Variants in LIMCH1 observed in about 807,000 individuals in gnomAD.
LIMCH1 encodes the protein LIM and calponin homology domains-containing protein 1.
A neutral mutation model predicts 176.5 loss-of-function variants in LIMCH1; 113 were observed. The ratio of observed to expected loss-of-function variants is 0.64; its 90% CI spans 0.55 to 0.75. LIMCH1 has a LOEUF of 0.75. Ranked by LOEUF, LIMCH1 falls within the 30% of genes least tolerant of loss-of-function variation. LIMCH1 has a pLI of 0.00. For synonymous variants in LIMCH1, 619 were observed against 645.9 expected (o/e 0.96, Z 0.63); for missense variants, 1,674 against 1,814.9 (o/e 0.92, Z 1.41).
intron 5 of LIMCH1, among the ~76,000 whole-genome samples, chr4:41,617,075 A>ATATATC (rs1377528297): frequency 5.9e-5 from 9 of 151,902 alleles, no homozygotes; most frequent in Non-Finnish European, 1.2e-4. Context: ...TAATATAAAT[A>ATATATC]TATATCTATA....
chr4:41,568,437 G>A (rs755620620), intron 1 of LIMCH1, among the ~76,000 whole-genome samples: 2 of 152,204 alleles, frequency 1.3e-5, no homozygotes, highest in Non-Finnish European at 2.9e-5. Flanking sequence ...GCAATGGTGT[G>A]TCATGGGTTT....
intron 1 of LIMCH1, among the ~76,000 whole-genome samples, chr4:41,489,915 A>G (rs550487360): frequency 6.6e-6 from 1 of 152,356 alleles, no homozygotes; most frequent in African/African-American, 2.4e-5. Context: ...CAAATATTGT[A>G]TATGTCATAT....
chr4:41,612,572 G>T, intron 4 of LIMCH1: 1 of 702,600 alleles, frequency 1.4e-6, no homozygotes, highest in Non-Finnish European at 2.6e-6. Context: ...CTAAGACACT[G>T]GCGGGAACAA....
chr4:41,537,197 C>T (rs79987113), upstream of LIMCH1, among the ~76,000 whole-genome samples: 963 of 152,306 alleles, frequency 6.3e-3, 7 homozygotes, highest in African/African-American at 0.022. Flanking sequence ...ACCAGTGAGT[C>T]CATTGGCATA....
intron 1 of LIMCH1, among the ~76,000 whole-genome samples, chr4:41,392,867 C>CA (rs1301504695): frequency 2.0e-5 from 3 of 151,800 alleles, no homozygotes; most frequent in African/African-American, 4.8e-5. Flanking sequence ...CCCGTCTCTA[C>CA]AAAAAAATAC....
chr4:41,503,236 T>C (rs555374406), intron 2 of LIMCH1, among the ~76,000 whole-genome samples: 1 of 152,270 alleles, frequency 6.6e-6, no homozygotes, highest in South Asian at 2.1e-4. Flanking sequence ...TTGACGTGAA[T>C]TGGGCCTGGT....
chr4:41,691,690 G>C (rs965247742), intron 30 of LIMCH1, among the ~76,000 whole-genome samples: 3 of 151,976 alleles, frequency 2.0e-5, no homozygotes, highest in African/African-American at 7.3e-5. Context: ...TTGAGCCCAG[G>C]AAGTGGAGGT....
At chr4:41,681,630 C>A (rs1484237303) in intron 25 of LIMCH1, among the ~76,000 whole-genome samples, 2 of 152,102 alleles carry the variant, frequency 1.3e-5, no homozygotes, top group African/African-American at 4.8e-5. Flanking sequence ...TGCCATTGCA[C>A]CACTGTACTC....
rs938110340 is a variant in LIMCH1, at chr4:41,525,707, A to C, written c.237+1229A>C. 2.0e-5 allele frequency among the ~76,000 whole-genome samples: 3 copies of C among 152,166 alleles called. No homozygotes were observed. The South Asian group carries it at 6.2e-4, about 32-fold the overall frequency. On this transcript the variant is annotated intron_variant, in intron 3 of 26. Coordinates refer to the LIMCH1 transcript ENST00000313860. ...CATATATTTGGAAGGAATATATTTG[A>C]ATAGTTCTATAAAATAAATAATATA...
chr4:41,404,711 A>G (rs1489425998), intron 1 of LIMCH1, among the ~76,000 whole-genome samples: 1 of 152,112 alleles, frequency 6.6e-6, no homozygotes, highest in Non-Finnish European at 1.5e-5. Context: ...CCTGGGAGGC[A>G]AAGGTTGCGG....
chr4:41,427,830 A>G (rs1283604532), intron 1 of LIMCH1, among the ~76,000 whole-genome samples: 1 of 152,116 alleles, frequency 6.6e-6, no homozygotes, highest in Non-Finnish European at 1.5e-5. Flanking sequence ...TCAATCAATC[A>G]TTCCTGACGG....
At chr4:41,465,290 C>G (rs556858402) in intron 1 of LIMCH1, among the ~76,000 whole-genome samples, 1 of 152,094 alleles carries the variant, frequency 6.6e-6, no homozygotes, top group Non-Finnish European at 1.5e-5. Context: ...CACCTGCCCC[C>G]GCATTTGTTC....
At chr4:41,390,273 A>C (rs947718061) in intron 1 of LIMCH1, among the ~76,000 whole-genome samples, 11 of 150,604 alleles carry the variant, frequency 7.3e-5, no homozygotes, top group Non-Finnish European at 1.5e-4. Flanking sequence ...AGAGAGAGAG[A>C]GCGAGAGCGC....
At chr4:41,572,221 A>G (rs994871161) in intron 1 of LIMCH1, among the ~76,000 whole-genome samples, 2 of 152,204 alleles carry the variant, frequency 1.3e-5, no homozygotes, top group Non-Finnish European at 2.9e-5. Flanking sequence ...CAGATGCAAG[A>G]CAATGATCTT....
intron 7 of LIMCH1, among the ~76,000 whole-genome samples, chr4:41,625,201 A>T (rs2092863584): frequency 6.6e-6 from 1 of 152,194 alleles, no homozygotes. Flanking sequence ...GGGCGTCATA[A>T]TTCCTATTTT....
chr4:41,499,250 C>G (rs866204106), intron 2 of LIMCH1, among the ~76,000 whole-genome samples: 25 of 152,286 alleles, frequency 1.6e-4, no homozygotes, highest in African/African-American at 5.8e-4. Flanking sequence ...TCCATATACC[C>G]TGCACCTCAC....
intron 1 of LIMCH1, among the ~76,000 whole-genome samples, chr4:41,363,136 T>A (rs2052405028): frequency 6.6e-6 from 1 of 152,168 alleles, no homozygotes; most frequent in Non-Finnish European, 1.5e-5. Context: ...TTCCCAGAGG[T>A]TCTTCTTGAA....
chr4:41,537,192 T>C (rs2078039071), upstream of LIMCH1, among the ~76,000 whole-genome samples: 1 of 152,222 alleles, frequency 6.6e-6, no homozygotes, highest in Non-Finnish European at 1.5e-5. Flanking sequence ...AGGATACCAG[T>C]GAGTCCATTG....
At chr4:41,448,552 AT>A (rs1219617551) in intron 1 of LIMCH1, among the ~76,000 whole-genome samples, 4 of 151,668 alleles carry the variant, frequency 2.6e-5, no homozygotes, top group East Asian at 2.0e-4. Context: ...TTTTTTAAAG[AT>A]TTTTTTGGTA....
Sources: allele counts gnomAD v4.1 joint callset (sites outside exome capture counted in the v4.1 genomes callset), GRCh38; gene constraint gnomAD v4.1.1; transcripts MANE v1.5; gene names NCBI Gene and HGNC (gene_info 2026-07-23, HGNC 2026-07-21).